The following FAM53A variants were observed in gnomAD, a reference collection of about 807,000 sequenced individuals.
FAM53A encodes protein FAM53A.
In FAM53A, 28 loss-of-function variants were observed where a neutral mutation model predicts 26.6. The ratio of observed to expected loss-of-function variants is 1.05; its 90% CI spans 0.78 to 1.45. The LOEUF (loss-of-function observed/expected upper bound fraction) is 1.45. Ranked by LOEUF, FAM53A falls within the 40% of genes most tolerant of loss-of-function variation. The probability of loss-of-function intolerance (pLI) is 0.00; values close to 1 mark genes in which losing one functional copy is unlikely to be tolerated. For synonymous variants in FAM53A, 290 were observed against 253.1 expected, an observed-to-expected ratio of 1.15 and a Z score of -1.38; for missense variants, 650 against 575.8, an observed-to-expected ratio of 1.13 and a Z score of -1.32.
In FAM53A at chr4:1,641,155, C is replaced by T. The variant is rs1281394615; in HGVS notation, c.*138G>A. On this transcript the variant is annotated 3_prime_UTR_variant, in exon 5 of 5. Coordinates refer to ENST00000308132, the MANE Select transcript of FAM53A (RefSeq NM_001174070.3). ...CAGGTGCCGGCGGCAGCCGTGGCCC[C>T]GACCAGCTCACAGGAAACCTACTCT... The T allele has an allele frequency of 6.2e-6, 4 of 647,378 alleles. No individual in the cohort carries two copies. Among genetic ancestry groups the T allele is most frequent in the Non-Finnish European group, 7.7e-6 (3 of 388,192 alleles). The allele number at this position is 647,378 out of a possible 1,614,324, so 40.1% of individuals were successfully genotyped here. A position where few individuals can be genotyped will look rare whatever the true frequency, so the allele number is the denominator to read the frequency against.
chr4:1,597,616 C>T, the FAM53A span, among the ~76,000 whole-genome samples: 1 of 152,190 alleles, frequency 6.6e-6, no homozygotes, highest in Non-Finnish European at 1.5e-5. Context: ...GTCAAACCCT[C>T]CGGGGCCCCC....
intron 2 of FAM53A, among the ~76,000 whole-genome samples, chr4:1,665,864 C>A (rs1414854451): frequency 6.6e-6 from 1 of 152,072 alleles, no homozygotes; most frequent in African/African-American, 2.4e-5. Context: ...GAAGAGCTAC[C>A]TACTGGGTAC....
chr4:1,632,775 A>G (rs1251838933), intron 1 of FAM53A, among the ~76,000 whole-genome samples: 1 of 152,214 alleles, frequency 6.6e-6, no homozygotes, highest in African/African-American at 2.4e-5. Flanking sequence ...ACACGTGTGC[A>G]TATTATACAG....
chr4:1,634,432 A>C (rs1350849851), intron 1 of FAM53A, among the ~76,000 whole-genome samples: 1 of 152,168 alleles, frequency 6.6e-6, no homozygotes, highest in East Asian at 1.9e-4. Context: ...CACCTCGGCC[A>C]CCATGTTCAG....
At chr4:1,632,163 C>CAAAA (rs33944808) in intron 1 of FAM53A, among the ~76,000 whole-genome samples, 5 of 107,478 alleles carry the variant, frequency 4.7e-5, no homozygotes, top group Admixed American at 2.8e-4. Flanking sequence ...GATTCCATCT[C>CAAAA]AAAAAAAAAA....
intron 4 of FAM53A, among the ~76,000 whole-genome samples, chr4:1,646,788 T>TG (rs1712286173): frequency 6.6e-6 from 1 of 152,230 alleles, no homozygotes; most frequent in African/African-American, 2.4e-5. Context: ...CCTCAGGCTC[T>TG]GGGTGACCCA....
At chr4:1,592,501 C>T in the FAM53A span, among the ~76,000 whole-genome samples, 53,798 of 152,076 alleles carry the variant, frequency 0.35, 9,997 homozygotes, top group Admixed American at 0.4. Context: ...GCGCTGCGGT[C>T]CTTCCTGGGG....
At chr4:1,612,708 C>T in the FAM53A span, among the ~76,000 whole-genome samples, 1 of 152,214 alleles carries the variant, frequency 6.6e-6, no homozygotes, top group Non-Finnish European at 1.5e-5. Flanking sequence ...CACATGCGCA[C>T]AGCATAAACA....
intron 4 of FAM53A, chr4:1,644,347 A>G: frequency 1.3e-6 from 2 of 1,535,766 alleles, no homozygotes; most frequent in Non-Finnish European, 1.7e-6. Context: ...GTGCGGCTAG[A>G]GCGTGAAAAC....
rs1000131468 is a variant in FAM53A, at chr4:1,659,113, C to T, written c.76-1645G>A. On this transcript the variant is annotated intron_variant, in intron 2 of 4. Coordinates refer to ENST00000308132, the MANE Select transcript of FAM53A (RefSeq NM_001174070.3). This position sits in a 1 kb window ranked among gnomAD's most constrained non-coding sequence, Gnocchi z 5.2. ...ACCCCGAAAAAAGACAGGCCGCCTA[C>T]ACACGGGGTCCCACCTCAGCCAGCA... Among the ~76,000 whole-genome samples, 1 of 152,248 alleles carries T rather than the reference C, an allele frequency of 6.6e-6. No homozygotes were observed. Among genetic ancestry groups the T allele is most frequent in the African/African-American group, 2.4e-5 (1 of 41,460 alleles).
intron 4 of FAM53A, among the ~76,000 whole-genome samples, chr4:1,652,123 C>CAT (rs1712866668): frequency 8.4e-6 from 1 of 119,288 alleles, no homozygotes; most frequent in African/African-American, 3.4e-5. Flanking sequence ...ACACACGCCA[C>CAT]ACACACCTCA....
chr4:1,611,305 C>T, the FAM53A span, among the ~76,000 whole-genome samples: 1 of 152,182 alleles, frequency 6.6e-6, no homozygotes, highest in Non-Finnish European at 1.5e-5. Context: ...ACACCCCTGG[C>T]TGGAGGGGGG....
chr4:1,604,954 G>A, the FAM53A span, among the ~76,000 whole-genome samples: 1 of 151,692 alleles, frequency 6.6e-6, no homozygotes, highest in Non-Finnish European at 1.5e-5. Flanking sequence ...CTCTCAACAC[G>A]CACGTGGGGC....
rs539563442 is a variant in FAM53A, at chr4:1,628,884, G to A, written c.432-10773C>T. Among the ~76,000 whole-genome samples the A allele has an allele frequency of 1.0e-3, 159 of 151,584 alleles. 1 individual carries two copies. Among genetic ancestry groups the A allele is most frequent in the Non-Finnish European group, 1.6e-3 (109 of 67,768 alleles). The stretch of plus-strand genomic sequence containing the variant: ...CTTGCACTAAGACTCCCCAGGCTTC[G>A]CCCACTGCAGGGTCCCCTACTCCGT... On this transcript the variant is annotated intron_variant, in intron 1 of 1. Transcript: ENST00000489029.
At chr4:1,602,923 C>T in the FAM53A span, among the ~76,000 whole-genome samples, 2 of 152,206 alleles carry the variant, frequency 1.3e-5, no homozygotes, top group African/African-American at 4.8e-5. Flanking sequence ...TCCGTCTACC[C>T]GCCAGGCCAG....
chr4:1,661,025 C>G (rs917874215), intron 2 of FAM53A, among the ~76,000 whole-genome samples: 1 of 152,106 alleles, frequency 6.6e-6, no homozygotes, highest in Non-Finnish European at 1.5e-5. Flanking sequence ...GCACAGTGAG[C>G]TTCCCTGCGC....
intron 2 of FAM53A, among the ~76,000 whole-genome samples, chr4:1,661,026 T>C (rs753778768): frequency 3.3e-5 from 5 of 151,950 alleles, no homozygotes; most frequent in Non-Finnish European, 5.9e-5. Flanking sequence ...CACAGTGAGC[T>C]TCCCTGCGCC....
chr4:1,601,071 G>A, the FAM53A span, among the ~76,000 whole-genome samples: 15 of 152,026 alleles, frequency 9.9e-5, no homozygotes, highest in Non-Finnish European at 1.5e-5. Context: ...CATCTCAAGA[G>A]CCCTCCTGCC....
the FAM53A span, among the ~76,000 whole-genome samples, chr4:1,579,876 G>C: frequency 2.0e-5 from 3 of 152,214 alleles, no homozygotes; most frequent in Non-Finnish European, 4.4e-5. Context: ...AGGCCTCGCC[G>C]TAAACTTCCT....
Sources: gnomAD v4.1 joint callset for allele counts (sites outside exome capture counted in the v4.1 genomes callset) on GRCh38, gnomAD v4.1.1 for gene constraint, Gnocchi (gnomAD v3.1) non-coding constraint, MANE v1.5 for transcripts, NCBI Gene and HGNC (gene_info 2026-07-23, HGNC 2026-07-21) for gene names.